Variants in GMDS observed in about 807,000 individuals in gnomAD.
GMDS encodes GDP-mannose 4,6 dehydratase.
In GMDS, 20 loss-of-function variants were observed where a neutral mutation model predicts 49.9. The ratio of observed to expected loss-of-function variants is 0.40; its 90% confidence interval spans 0.28 to 0.58. The LOEUF (loss-of-function observed/expected upper bound fraction) is 0.58. Among genes scored for constraint, GMDS ranks in the 20% least tolerant of loss-of-function variants. The pLI is 0.42. For missense variants in GMDS, 362 were observed against 481.4 expected (o/e 0.75, Z 2.32); for synonymous variants, 177 against 178.6 (o/e 0.99, Z 0.07).
intron 9 of GMDS, among the ~76,000 whole-genome samples, chr6:1,633,427 C>T (rs933067649): frequency 1.3e-5 from 2 of 152,148 alleles, no homozygotes; most frequent in African/African-American, 4.8e-5. Flanking sequence ...AAGAGAAGGC[C>T]GTGGCTGTCA....
intron 7 of GMDS, among the ~76,000 whole-genome samples, chr6:1,859,482 T>A (rs1758087713): frequency 6.6e-6 from 1 of 152,190 alleles, no homozygotes; most frequent in South Asian, 2.1e-4. Flanking sequence ...AAACGTGCAA[T>A]GAAATGAATC....
chr6:1,950,564 A>T (rs1339363890), intron 6 of GMDS, among the ~76,000 whole-genome samples: 3 of 152,134 alleles, frequency 2.0e-5, no homozygotes, highest in African/African-American at 7.2e-5. Context: ...AAGGCCCTGG[A>T]GCTATTTGAA....
intron 6 of GMDS, chr6:1,930,748 A>C (rs976229971): frequency 2.6e-5 from 4 of 152,248 alleles, no homozygotes; most frequent in African/African-American, 9.6e-5. Flanking sequence ...ACAAGAAAGG[A>C]ATTTATTTAG....
rs1390468808 is a variant in GMDS at position 1,766,075 on chromosome 6, ATG to A, written c.772-23491_772-23490del. On this transcript the variant is annotated intron_variant, in intron 7 of 10. Coordinates refer to ENST00000380815, the MANE Select transcript of GMDS (RefSeq NM_001500.4). This position sits in a 1 kb window ranked among gnomAD's most constrained non-coding sequence, Gnocchi z 4.5. ...CCAGTGGGCAGAGCGGCTGCACTAT[ATG>A]AAAACGACACATGTGAAATGGAGGG... Among the ~76,000 whole-genome samples, 263 of 152,284 alleles carry A rather than the reference ATG, an allele frequency of 1.7e-3. 1 individual carries two copies. The highest frequency in any genetic ancestry group is 3.4e-3 in the Admixed American group (52 of 15,304).
chr6:2,157,335 G>A (rs548614500), intron 1 of GMDS, among the ~76,000 whole-genome samples: 2 of 152,316 alleles, frequency 1.3e-5, no homozygotes, highest in East Asian at 1.9e-4. Flanking sequence ...ATAGTCAAGT[G>A]CATTCAAATT....
intron 7 of GMDS, among the ~76,000 whole-genome samples, chr6:1,819,644 C>T (rs1195845506): frequency 1.3e-5 from 2 of 151,364 alleles, no homozygotes; most frequent in Non-Finnish European, 2.9e-5. Flanking sequence ...GCCTGTCATC[C>T]CAGCTACTTG....
At chr6:2,198,881 G>A (rs1013018952) in intron 1 of GMDS, among the ~76,000 whole-genome samples, 11 of 152,022 alleles carry the variant, frequency 7.2e-5, no homozygotes, top group African/African-American at 2.7e-4. Flanking sequence ...GACCACAATT[G>A]GTTAGAATGA....
intron 4 of GMDS, among the ~76,000 whole-genome samples, chr6:2,100,292 A>G (rs568414485): frequency 2.6e-5 from 4 of 152,110 alleles, no homozygotes; most frequent in African/African-American, 9.6e-5. Context: ...TAAATTGCCA[A>G]TATAGTGAAA....
At chr6:2,084,163 T>C (rs939525320) in intron 4 of GMDS, among the ~76,000 whole-genome samples, 3 of 152,214 alleles carry the variant, frequency 2.0e-5, no homozygotes, top group African/African-American at 7.2e-5. Flanking sequence ...ACATAAAACT[T>C]AATTAACCTT....
In GMDS at chr6:2,031,893, T is replaced by C. The variant is rs150653020; in HGVS notation, c.346-70927A>G. Among the ~76,000 whole-genome samples, 742 of 152,334 alleles carry C rather than the reference T, an allele frequency of 4.9e-3. 5 individuals carry two copies. The highest frequency in any genetic ancestry group is 0.017 in the African/African-American group (688 of 41,576). ...CATGGTCACCACTTTCTGGCCTCTA[T>C]AGTTTTAAAAGTTTGAAAATACAAT... is the stretch of plus-strand genomic sequence containing the variant. On this transcript the variant is annotated intron_variant, in intron 4 of 10. Coordinates refer to ENST00000380815, the MANE Select transcript of GMDS (RefSeq NM_001500.4).
chr6:1,679,128 T>C (rs1764711761), intron 9 of GMDS: 2 of 152,172 alleles, frequency 1.3e-5, no homozygotes, highest in African/African-American at 4.8e-5. Flanking sequence ...TCACTGTGCT[T>C]GTGAAACCTG....
intron 1 of GMDS, among the ~76,000 whole-genome samples, chr6:2,196,996 A>C (rs774202267): frequency 6.6e-6 from 1 of 152,218 alleles, no homozygotes; most frequent in Admixed American, 6.5e-5. Context: ...TAAGCCTTTT[A>C]ACTAGTAAAA....
At chr6:2,141,125 C>CA (rs1776264750) in intron 1 of GMDS, among the ~76,000 whole-genome samples, 1 of 152,104 alleles carries the variant, frequency 6.6e-6, no homozygotes, top group African/African-American at 2.4e-5. Flanking sequence ...TTGTTAATAA[C>CA]AAAAAATGAG....
chr6:1,977,672 C>A (rs1764985621), intron 4 of GMDS, among the ~76,000 whole-genome samples: 1 of 152,134 alleles, frequency 6.6e-6, no homozygotes, highest in African/African-American at 2.4e-5. Flanking sequence ...GCAAGGGAAC[C>A]CCCACCCCCA....
intron 9 of GMDS, among the ~76,000 whole-genome samples, chr6:1,646,880 G>T (rs1763501522): frequency 6.6e-6 from 1 of 152,176 alleles, no homozygotes; most frequent in Admixed American, 6.5e-5. Context: ...CCATGTGGTG[G>T]GGGGTGGGGT....
At chr6:1,674,684 A>G (rs1461059707) in intron 9 of GMDS, among the ~76,000 whole-genome samples, 1 of 140,878 alleles carries the variant, frequency 7.1e-6, no homozygotes, top group African/African-American at 2.7e-5. Flanking sequence ...CTCCCACCTC[A>G]GTCTCCCAGG....
intron 4 of GMDS, among the ~76,000 whole-genome samples, chr6:1,962,580 C>T (rs767995365): frequency 7.2e-5 from 11 of 152,132 alleles, no homozygotes; most frequent in Non-Finnish European, 1.5e-4. Context: ...TTTGTTATAT[C>T]CATCCTAGTG....
chr6:1,742,653 C>T lies in GMDS; in HGVS notation c.772-67G>A, dbSNP rs988993044. 1.1e-5 allele frequency: 9 copies of T among 829,940 alleles called. No homozygotes were observed. In the African/African-American group the frequency reaches 1.3e-4, roughly 12 times the overall value. 51.4% of individuals were successfully genotyped at this position (829,940 alleles called of 1,614,324 possible). ...AGTGGCCACACATTGTTTTCCAGTGCACATAATCAGATATGGACATCGACA... is the reference window on the plus strand; with the variant it reads ...AGTGGCCACACATTGTTTTCCAGTGTACATAATCAGATATGGACATCGACA... On this transcript the variant is annotated intron_variant, in intron 7 of 10. Coordinates refer to ENST00000380815, the MANE Select transcript of GMDS (RefSeq NM_001500.4).
Position 1,972,638 on chromosome 6 carries a change from G to A in GMDS, c.346-11672C>T, listed in dbSNP as rs1301392964. On this transcript the variant is annotated intron_variant, in intron 4 of 10. Transcript: ENST00000380815. ...TCTTTATTTTCACTAAATTCTATCT[G>A]AAATTTAGAGTTCCCTTCTATTTTG... is the stretch of plus-strand genomic sequence containing the variant. 4.6e-5 allele frequency among the ~76,000 whole-genome samples: 7 copies of A among 152,162 alleles called. No individual in the cohort carries two copies. In the East Asian group the frequency reaches 1.3e-3, roughly 29 times the overall value.
Sources: allele counts gnomAD v4.1 joint callset (sites outside exome capture counted in the v4.1 genomes callset), GRCh38; gene constraint gnomAD v4.1.1; non-coding constraint Gnocchi (gnomAD v3.1); transcripts MANE v1.5; gene names NCBI Gene and HGNC (gene_info 2026-07-23, HGNC 2026-07-21).